Variants in CNTNAP2 observed in about 807,000 individuals in gnomAD.
The protein encoded by CNTNAP2 is contactin associated protein 2, also known as contactin-associated protein-like 2.
A neutral mutation model predicts 155.2 loss-of-function variants in CNTNAP2; 98 were observed. That is an observed-to-expected ratio of 0.63 (90% CI 0.54 to 0.75). The LOEUF (loss-of-function observed/expected upper bound fraction) is 0.75, where lower values mean the gene tolerates loss of function less well. Among genes scored for constraint, CNTNAP2 ranks in the 30% least tolerant of loss-of-function variants. CNTNAP2 has a pLI of 0.00. For synonymous variants in CNTNAP2, 651 were observed against 631.2 expected (o/e 1.03, Z -0.47); for missense variants, 1,727 against 1,688.1 (o/e 1.02, Z -0.40).
chr7:147,994,305 A>G (rs1285993982), intron 15 of CNTNAP2, among the ~76,000 whole-genome samples: 1 of 151,984 alleles, frequency 6.6e-6, no homozygotes, highest in Non-Finnish European at 1.5e-5. Flanking sequence ...CAGGAATTCA[A>G]GACTGCAGTG....
chr7:148,130,680 G>T lies in CNTNAP2; in HGVS notation c.2554+12392G>T, dbSNP rs183327027. On this transcript the variant is annotated intron_variant, in intron 16 of 23. Coordinates refer to ENST00000361727, the MANE Select transcript of CNTNAP2 (RefSeq NM_014141.6). Reference sequence around the variant, plus strand: ...TGCCCCTCACCCACCAGCACCATGTGCCACAGCCTCAGCTATGTCCAGCTA... The same window carrying T: ...TGCCCCTCACCCACCAGCACCATGTTCCACAGCCTCAGCTATGTCCAGCTA... Among the ~76,000 whole-genome samples, 1,112 of 152,210 alleles carry T rather than the reference G, an allele frequency of 7.3e-3. 10 individuals are homozygous for T. The highest frequency in any genetic ancestry group is 0.022 in the South Asian group (104 of 4,818).
At chr7:147,125,070 T>TG (rs1801206061) in intron 6 of CNTNAP2, among the ~76,000 whole-genome samples, 2 of 151,548 alleles carry the variant, frequency 1.3e-5, no homozygotes, top group Non-Finnish European at 2.9e-5. Context: ...TTAGTAGAGA[T>TG]GGGGTTTCAC....
chr7:146,373,163 T>C (rs896278753), intron 1 of CNTNAP2, among the ~76,000 whole-genome samples: 2 of 152,168 alleles, frequency 1.3e-5, no homozygotes, highest in African/African-American at 4.8e-5. Context: ...AGAAAAGACA[T>C]TTAACTGCAG....
intron 8 of CNTNAP2, among the ~76,000 whole-genome samples, chr7:147,264,464 G>GT (rs1346914332): frequency 1.3e-5 from 2 of 151,900 alleles, no homozygotes; most frequent in Admixed American, 6.6e-5. Context: ...ATTTCAGGAA[G>GT]TGAGGGGTTG....
At chr7:146,635,283 A>G (rs1434521925) in intron 1 of CNTNAP2, among the ~76,000 whole-genome samples, 5 of 152,218 alleles carry the variant, frequency 3.3e-5, no homozygotes, top group African/African-American at 1.2e-4. Flanking sequence ...TATTGGCTCT[A>G]AGAAACACAG....
At chr7:146,748,549 T>A (rs1251338222) in intron 1 of CNTNAP2, among the ~76,000 whole-genome samples, 1 of 152,182 alleles carries the variant, frequency 6.6e-6, no homozygotes, top group Non-Finnish European at 1.5e-5. Flanking sequence ...ATTAAAAGAA[T>A]GATGATAGAC....
At chr7:146,930,716 G>A (rs899786506) in intron 3 of CNTNAP2, among the ~76,000 whole-genome samples, 1 of 151,992 alleles carries the variant, frequency 6.6e-6, no homozygotes, top group Admixed American at 6.6e-5. Context: ...ACACACATAG[G>A]CTCAAAATAA....
At chr7:147,137,017 T>C (rs565245559) in intron 8 of CNTNAP2, among the ~76,000 whole-genome samples, 3 of 152,024 alleles carry the variant, frequency 2.0e-5, no homozygotes, top group African/African-American at 7.2e-5. Context: ...GTTTAAACCA[T>C]ATTTATTAGA....
chr7:147,316,988 G>T (rs996517702), intron 9 of CNTNAP2, among the ~76,000 whole-genome samples: 3 of 152,194 alleles, frequency 2.0e-5, no homozygotes, highest in Admixed American at 6.5e-5. Context: ...CAGTGAATGT[G>T]CCATTGCCCT....
At chr7:147,200,156 T>C (rs1461820670) in intron 8 of CNTNAP2, among the ~76,000 whole-genome samples, 1 of 151,856 alleles carries the variant, frequency 6.6e-6, no homozygotes, top group Non-Finnish European at 1.5e-5. Flanking sequence ...TTCTCCCCTG[T>C]TGCTCCAGAG....
At chr7:146,478,810 C>T (rs1413297964) in intron 1 of CNTNAP2, among the ~76,000 whole-genome samples, 1 of 151,922 alleles carries the variant, frequency 6.6e-6, no homozygotes, top group East Asian at 1.9e-4. Context: ...TTTGGGGGCT[C>T]AAGTAATTTA....
At chr7:146,521,088 T>C (rs1002509486) in intron 1 of CNTNAP2, among the ~76,000 whole-genome samples, 1 of 151,876 alleles carries the variant, frequency 6.6e-6, no homozygotes, top group Non-Finnish European at 1.5e-5. Flanking sequence ...GGGAAAGAAA[T>C]GCAAACCAGA....
intron 1 of CNTNAP2, 88 bp from the exon 2 acceptor site, chr7:146,774,183 A>G: frequency 1.1e-6 from 1 of 900,454 alleles, no homozygotes. Context: ...GACATATCAG[A>G]TTCAATGATT....
At chr7:146,902,377 T>C (rs1277691295) in intron 3 of CNTNAP2, among the ~76,000 whole-genome samples, 1 of 152,196 alleles carries the variant, frequency 6.6e-6, no homozygotes, top group Non-Finnish European at 1.5e-5. Context: ...AGAAGCTATA[T>C]TACAGTAACG....
chr7:146,686,818 A>T (rs1325231346), intron 1 of CNTNAP2, among the ~76,000 whole-genome samples: 1 of 152,174 alleles, frequency 6.6e-6, no homozygotes, highest in East Asian at 1.9e-4. Context: ...AATGGAGTCA[A>T]TGTAATTTTC....
chr7:146,358,677 C>T (rs1795039293), intron 1 of CNTNAP2, among the ~76,000 whole-genome samples: 2 of 152,094 alleles, frequency 1.3e-5, no homozygotes, highest in Non-Finnish European at 2.9e-5. Context: ...AGAGTGTTAA[C>T]CAGTTTGAAG....
At chr7:147,072,403 T>A (rs541501386) in intron 4 of CNTNAP2, among the ~76,000 whole-genome samples, 13 of 152,316 alleles carry the variant, frequency 8.5e-5, no homozygotes, top group African/African-American at 3.1e-4. Context: ...GTTGGAGTGA[T>A]GGACATGGAG....
chr7:148,350,479 T>C (rs888547114), intron 21 of CNTNAP2, among the ~76,000 whole-genome samples: 9 of 152,238 alleles, frequency 5.9e-5, no homozygotes, highest in Non-Finnish European at 1.3e-4. Flanking sequence ...CAATGTGTAA[T>C]ATCCATTCAA....
chr7:148,217,180 C>T, intron 18 of CNTNAP2, 108 bp from the exon 19 acceptor site: 1 of 1,026,494 alleles, frequency 9.7e-7, no homozygotes, highest in South Asian at 1.3e-5. Context: ...ACTCAGATGC[C>T]CTTCCTGGAG....
Sources: gnomAD v4.1 joint callset for allele counts (sites outside exome capture counted in the v4.1 genomes callset) on GRCh38, gnomAD v4.1.1 for gene constraint, MANE v1.5 for transcripts, NCBI Gene and HGNC (gene_info 2026-07-23, HGNC 2026-07-21) for gene names.